SEMA7A: variants seen among roughly 807,000 people sequenced by gnomAD.
SEMA7A encodes the protein semaphorin-7A.
A neutral mutation model predicts 67.5 loss-of-function variants in SEMA7A; 21 were observed. The observed-to-expected ratio is 0.31, with a 90% CI of 0.22 to 0.45. The LOEUF is 0.45. SEMA7A is among the 20% of genes least tolerant of loss of function. SEMA7A has a pLI of 1.00. For synonymous variants in SEMA7A, 364 were observed against 368.5 expected (o/e 0.99, Z 0.14); for missense variants, 774 against 908.6 (o/e 0.85, Z 1.90).
chr15:74,433,282 G>T (rs1459727497), intron 1 of SEMA7A, among the ~76,000 whole-genome samples: 2 of 151,634 alleles, frequency 1.3e-5, no homozygotes, highest in African/African-American at 4.8e-5. Flanking sequence ...GGCGGCAAGG[G>T]GTCCGCGCCC....
intron 6 of SEMA7A, among the ~76,000 whole-genome samples, chr15:74,417,122 C>A (rs1055721511): frequency 3.3e-5 from 5 of 152,150 alleles, no homozygotes; most frequent in Non-Finnish European, 7.4e-5. Flanking sequence ...TGTTTGTGTT[C>A]CTGAAGAGGG....
Position 74,433,939 on chromosome 15 carries a change from A to T in SEMA7A, c.-21T>A. On this transcript the variant is annotated 5_prime_UTR_variant, in exon 1 of 14. Transcript: ENST00000261918. ...GTCATCCCGTGGCCCCGGGAGCGAC[A>T]GCGGCAATCAGCCGAGACTGAGCCA... The T allele has an allele frequency of 8.1e-7, 1 of 1,242,176 alleles. No homozygotes were observed. Among genetic ancestry groups the T allele is most frequent in the Non-Finnish European group, 1.0e-6 (1 of 995,348 alleles). 76.9% of individuals were successfully genotyped at this position (1,242,176 alleles called of 1,614,324 possible).
At position 74,410,752 on chromosome 15, in the gene SEMA7A, G is replaced by A; in HGVS notation, c.1873C>T (p.Gln625Ter). 1.2e-6 allele frequency: 2 copies of A among 1,614,112 alleles called. No homozygotes were observed. The highest frequency in any genetic ancestry group is 1.7e-6 in the Non-Finnish European group (2 of 1,180,034). The change falls in exon 14 of 14, where the codon CAG (glutamine) becomes TAG (stop). Residue 625 changes from glutamine (Q) to a stop codon, truncating the protein, a stop_gained. Transcript: ENST00000261918. LOFTEE classifies it low-confidence loss of function (END_TRUNC). This position sits in a 1 kb window ranked among gnomAD's most constrained non-coding sequence, Gnocchi z 7.5. ...AQEGSYFREAQHWQLLPEDGI... is the reference protein window; with the variant it reads ...AQEGSYFREA ...TCCTCGGGCAGCAGCTGCCAGTGCT[G>A]AGCCTCGCGGAAGTAGGAGCCCTCC...
chr15:74,412,148 G>C, intron 10 of SEMA7A, 136 bp from the exon 11 acceptor site: 1 of 1,036,914 alleles, frequency 9.6e-7, no homozygotes, highest in Non-Finnish European at 1.4e-6. Flanking sequence ...GGCGAGGAGA[G>C]CGTGACTGGG....
rs537311785 is a variant in SEMA7A at position 74,410,546 on chromosome 15, G to C, written c.*78C>G. On this transcript the variant is annotated 3_prime_UTR_variant, in exon 14 of 14. Coordinates refer to ENST00000261918, the MANE Select transcript of SEMA7A (RefSeq NM_003612.5). This position sits in a 1 kb window ranked among gnomAD's most constrained non-coding sequence, Gnocchi z 7.5. ...AGAAGTGGCAGGCAAGGAGCTCCCGGGCCAGCCGGCTCTGAGTGTGAGACG... is the reference window on the plus strand; with the variant it reads ...AGAAGTGGCAGGCAAGGAGCTCCCGCGCCAGCCGGCTCTGAGTGTGAGACG... 6.6e-7 allele frequency: 1 copy of C among 1,508,558 alleles called. No homozygotes were observed. The highest frequency in any genetic ancestry group is 2.5e-4 in the Middle Eastern group (1 of 3,954). The allele number at this position is 1,508,558 out of a possible 1,614,324, so 93.4% of individuals were successfully genotyped here.
At position 74,416,032 on chromosome 15, in the gene SEMA7A, T is replaced by G. The variant is rs754746040; in HGVS notation, c.802-47A>C. ...GAGGCCCCTCAGCACCTGCCCGGGC[T>G]TCCCCACACACCCCAGGAAACCACT... On this transcript the variant is annotated intron_variant, in intron 7 of 13. Transcript: ENST00000261918. 29 of 1,569,412 alleles carry G rather than the reference T, an allele frequency of 1.8e-5. 1 individual carries two copies. In the South Asian group the frequency reaches 3.1e-4, roughly 17 times the overall value.
chr15:74,417,934 C>A lies in SEMA7A; in HGVS notation c.408G>T (p.Arg136=). 1 of 1,613,350 alleles carries A rather than the reference C, an allele frequency of 6.2e-7. No individual in the cohort carries two copies. Among genetic ancestry groups the A allele is most frequent in the South Asian group, 1.1e-5 (1 of 91,078 alleles). The part of the protein sequence containing the change: ...CENYITLLER[R]SEGLLACGTN... Reference sequence around the variant, plus strand: ...TGCCACAGGCCAGCAGCCCCTCACTCCGCCTCTCCAGGAGAGTGATGTAGT... The same window carrying A: ...TGCCACAGGCCAGCAGCCCCTCACTACGCCTCTCCAGGAGAGTGATGTAGT... Residue 136 remains arginine (R), a synonymous_variant, in exon 4 of 14, where the codon CGG becomes CGT. Coordinates refer to ENST00000261918, the MANE Select transcript of SEMA7A (RefSeq NM_003612.5).
chr15:74,433,396 C>A (rs2061108598), intron 1 of SEMA7A, among the ~76,000 whole-genome samples: 1 of 152,012 alleles, frequency 6.6e-6, no homozygotes, highest in African/African-American at 2.4e-5. Flanking sequence ...TCCGCCGAAG[C>A]CCCCGAGCCA....
intron 1 of SEMA7A, among the ~76,000 whole-genome samples, chr15:74,421,187 A>C (rs2060997511): frequency 6.6e-6 from 1 of 152,176 alleles, no homozygotes; most frequent in South Asian, 2.1e-4. Flanking sequence ...CTGGAGAGCA[A>C]GGTCTGAGGG....
Position 74,419,071 on chromosome 15 carries a change from CA to C in SEMA7A, c.179-120del, listed in dbSNP as rs1180579795. 12 of 1,177,424 alleles carry C rather than the reference CA, an allele frequency of 1.0e-5. No homozygotes were observed. In the African/African-American group the frequency reaches 1.9e-4, roughly 18 times the overall value. The allele number at this position is 1,177,424 out of a possible 1,614,324, so 72.9% of individuals were successfully genotyped here. ...GGTGCTCAGGGTCCTGGCAGGGCGT[CA>C]GACAAGCTCTGGGCTGGGGTGGTAC... On this transcript the variant is annotated intron_variant, in intron 1 of 13. Coordinates refer to ENST00000261918, the MANE Select transcript of SEMA7A (RefSeq NM_003612.5).
chr15:74,427,784 G>A (rs942686484), intron 1 of SEMA7A, among the ~76,000 whole-genome samples: 1 of 152,086 alleles, frequency 6.6e-6, no homozygotes, highest in African/African-American at 2.4e-5. Flanking sequence ...ACAGTCCTAG[G>A]CTACATCTGC....
rs1231799656 is a variant in SEMA7A at position 74,411,769 on chromosome 15, G to A, written c.1423-59C>T. On this transcript the variant is annotated intron_variant, in intron 11 of 13. Transcript: ENST00000261918. The surrounding 1 kb of genome is among the most constrained non-coding windows in gnomAD (Gnocchi z 4.4). ...CCCCACCCCACACTCAGTCCTAAATGTCCAGGCCCTAAGGCCTAGAAGCTC... is the reference window on the plus strand; with the variant it reads ...CCCCACCCCACACTCAGTCCTAAATATCCAGGCCCTAAGGCCTAGAAGCTC... The A allele has an allele frequency of 6.2e-7, 1 of 1,605,548 alleles. No homozygotes were observed. The highest frequency in any genetic ancestry group is 8.5e-7 in the Non-Finnish European group (1 of 1,177,640).
chr15:74,428,627 C>T (rs191915759), intron 1 of SEMA7A, among the ~76,000 whole-genome samples: 22 of 152,212 alleles, frequency 1.4e-4, no homozygotes, highest in Admixed American at 7.2e-4. Flanking sequence ...AGAGAGGAGG[C>T]GGAGCCAGGG....
rs757919010 is a variant in SEMA7A at position 74,410,892 on chromosome 15, C to A, written c.1733G>T (p.Arg578Leu). 2 of 1,614,052 alleles carry A rather than the reference C, an allele frequency of 1.2e-6. No individual in the cohort carries two copies. Among genetic ancestry groups the A allele is most frequent in the African/African-American group, 1.3e-5 (1 of 74,928 alleles). ...MESRHATYSW[R>L]HKENVEQSCE... is the part of the protein sequence containing the mutation. ...GCTCTGCTCCACGTTCTCCTTGTGG[C>A]GCCATGAGTAGGTGGCGTGGCGGGA... The change falls in exon 14 of 14, where the codon CGC (arginine) becomes CTC (leucine). Residue 578 changes from arginine to leucine, a missense_variant. Coordinates refer to ENST00000261918, the MANE Select transcript of SEMA7A (RefSeq NM_003612.5). The surrounding 1 kb of genome is among the most constrained non-coding windows in gnomAD (Gnocchi z 7.5).
chr15:74,415,979 G>C lies in SEMA7A; in HGVS notation c.808C>G (p.Gln270Glu). The C allele has an allele frequency of 1.2e-6, 2 of 1,613,904 alleles. No individual in the cohort carries two copies. The highest frequency in any genetic ancestry group is 1.7e-6 in the Non-Finnish European group (2 of 1,179,872). Reference sequence around the variant, plus strand: ...ACTGACAGTGAACTTTCCCCACCCTGGTCCCCCTGGAAGGGTAGAGGGGAG... The same window carrying C: ...ACTGACAGTGAACTTTCCCCACCCTCGTCCCCCTGGAAGGGTAGAGGGGAG... ...SRVAQLCRGD[Q>E]GGESSLSVSK... Residue 270 changes from glutamine (Q) to glutamate (E), a missense_variant, in exon 8 of 14, where the codon CAG becomes GAG. By Grantham distance (29) the Gln-to-Glu change is conservative. Around this residue, in one of 2 missense-constraint regions of SEMA7A, gnomAD observed 427 missense variants for 555.4 expected, o/e 0.77. Transcript: ENST00000261918.
chr15:74,426,071 G>A (rs1324782458), intron 1 of SEMA7A, among the ~76,000 whole-genome samples: 2 of 152,138 alleles, frequency 1.3e-5, no homozygotes, highest in Non-Finnish European at 1.5e-5. Flanking sequence ...TCAGGAGTTC[G>A]AGACTAGCCT....
intron 1 of SEMA7A, among the ~76,000 whole-genome samples, chr15:74,426,103 T>C (rs367981238): frequency 6.6e-6 from 1 of 151,968 alleles, no homozygotes; most frequent in Admixed American, 6.6e-5. Context: ...TGAAACCCCA[T>C]CTCTACCAAA....
At chr15:74,424,687 G>C (rs2061028405) in intron 1 of SEMA7A, among the ~76,000 whole-genome samples, 1 of 152,234 alleles carries the variant, frequency 6.6e-6, no homozygotes, top group Non-Finnish European at 1.5e-5. Context: ...CCCTTGGTGA[G>C]AGGCTGTGCT....
chr15:74,409,697 G>A lies in SEMA7A; in HGVS notation c.*927C>T, dbSNP rs762101962. On this transcript the variant is annotated 3_prime_UTR_variant, in exon 14 of 14. Coordinates refer to ENST00000261918, the MANE Select transcript of SEMA7A (RefSeq NM_003612.5). ...GCTCGTCCTTCCAAATGAACACGGT[G>A]AAACTAGGGCTCAGTTTTCTCCTTC... The A allele has an allele frequency of 3.3e-5, 5 of 149,934 alleles. No homozygotes were observed. The highest frequency in any genetic ancestry group is 4.4e-5 in the Non-Finnish European group (3 of 67,768). 9.3% of individuals were successfully genotyped at this position (149,934 alleles called of 1,614,324 possible). A position where few individuals can be genotyped will look rare whatever the true frequency, so the allele number is the denominator to read the frequency against.
Sources: gnomAD v4.1 joint callset for allele counts (sites outside exome capture counted in the v4.1 genomes callset) on GRCh38, gnomAD v4.1.1 for gene constraint, gnomAD v4.1.1 regional missense constraint, Gnocchi (gnomAD v3.1) non-coding constraint, MANE v1.5 for transcripts, NCBI Gene and HGNC (gene_info 2026-07-23, HGNC 2026-07-21) for gene names.